Variants in ST7 observed in about 807,000 individuals in gnomAD.
ST7 encodes suppression of tumorigenicity 7, also known as suppressor of tumorigenicity 7 protein.
Under a neutral mutation model 78.7 loss-of-function variants are expected in ST7, and 28 were observed. The observed-to-expected ratio is 0.36, with a 90% CI of 0.26 to 0.49. The LOEUF is 0.49. Ranked by LOEUF, ST7 falls within the 20% of genes least tolerant of loss-of-function variation. ST7 has a pLI of 0.99. For synonymous variants in ST7, 247 were observed against 249.6 expected, an observed-to-expected ratio of 0.99 and a Z score of 0.10; for missense variants, 418 against 696.0, an observed-to-expected ratio of 0.60 and a Z score of 4.49.
At chr7:117,034,349 C>G (rs1460556464) in intron 1 of ST7, among the ~76,000 whole-genome samples, 2 of 152,140 alleles carry the variant, frequency 1.3e-5, no homozygotes, top group East Asian at 3.9e-4. Flanking sequence ...ATTGCTTATC[C>G]TTCCAATTGC....
chr7:116,989,359 C>T (rs1202976119), intron 1 of ST7, among the ~76,000 whole-genome samples: 3 of 152,174 alleles, frequency 2.0e-5, no homozygotes, highest in South Asian at 2.1e-4. Flanking sequence ...CACTAGGCTG[C>T]ATCCTGGAGA....
chr7:117,098,274 G>C (rs559930500), intron 1 of ST7, among the ~76,000 whole-genome samples: 1 of 151,696 alleles, frequency 6.6e-6, no homozygotes, highest in East Asian at 2.0e-4. Context: ...GCTTGGAAAG[G>C]CCCATGCTGT....
chr7:116,956,423 C>T (rs1241950734), intron 1 of ST7: 4 of 469,300 alleles, frequency 8.5e-6, no homozygotes, highest in South Asian at 6.2e-5. Context: ...TGTTCTTCAG[C>T]CCTGTGGTGC....
At chr7:117,027,446 G>GTAAAGTCAAGT (rs1563021796) in intron 1 of ST7, among the ~76,000 whole-genome samples, 1 of 151,386 alleles carries the variant, frequency 6.6e-6, no homozygotes, top group East Asian at 1.9e-4. Flanking sequence ...TCTCAAAAGT[G>GTAAAGTCAAGT]AAAAGTAAAG....
chr7:117,097,888 ATATATATATATATATATATATTTT>A (rs1801193288), intron 1 of ST7, among the ~76,000 whole-genome samples: 2 of 17,610 alleles, frequency 1.1e-4, no homozygotes. Context: ...CACTATATAT[ATATATATATATATATATATATTTT>A]TTTTTTTTTT....
At chr7:117,180,410 C>A (rs1808659203) in intron 10 of ST7, among the ~76,000 whole-genome samples, 1 of 152,172 alleles carries the variant, frequency 6.6e-6, no homozygotes, top group Non-Finnish European at 1.5e-5. Context: ...TTGCTAAAAT[C>A]AAACCATCTG....
intron 1 of ST7, among the ~76,000 whole-genome samples, chr7:117,070,500 G>A (rs1389885113): frequency 1.3e-5 from 2 of 152,118 alleles, no homozygotes; most frequent in African/African-American, 4.8e-5. Flanking sequence ...AAGTTCTGGA[G>A]ATTGGTTGCA....
chr7:117,105,815 A>G (rs1312330971), intron 2 of ST7, among the ~76,000 whole-genome samples: 1 of 152,250 alleles, frequency 6.6e-6, no homozygotes, highest in African/African-American at 2.4e-5. Flanking sequence ...AAATTATCAC[A>G]TGTACCCTGA....
intron 3 of ST7, among the ~76,000 whole-genome samples, chr7:117,123,897 T>C (rs2116973057): frequency 6.6e-6 from 1 of 152,274 alleles, no homozygotes; most frequent in South Asian, 2.1e-4. Context: ...TGAGATACTT[T>C]AATAGCCTCT....
At chr7:117,076,932 T>A (rs2116568148) in intron 1 of ST7, among the ~76,000 whole-genome samples, 1 of 152,316 alleles carries the variant, frequency 6.6e-6, no homozygotes, top group East Asian at 1.9e-4. Context: ...TGAGCTCTTG[T>A]CTGGCACCCA....
chr7:117,214,913 TG>T (rs1792572098), intron 13 of ST7, among the ~76,000 whole-genome samples: 1 of 5,960 alleles, frequency 1.7e-4, no homozygotes, highest in African/African-American at 4.3e-3. Flanking sequence ...AGAACATTTG[TG>T]TGTGTGTGTG....
At chr7:117,059,383 G>T (rs1477790462) in intron 1 of ST7, among the ~76,000 whole-genome samples, 1 of 152,038 alleles carries the variant, frequency 6.6e-6, no homozygotes, top group Non-Finnish European at 1.5e-5. Context: ...TTTTGAATAG[G>T]TTATTATTTA....
At chr7:117,102,949 A>G (rs1321227914) in intron 2 of ST7, among the ~76,000 whole-genome samples, 2 of 152,186 alleles carry the variant, frequency 1.3e-5, no homozygotes, top group Non-Finnish European at 2.9e-5. Context: ...CAATCTGAAA[A>G]AGAAATCAAG....
intron 9 of ST7, among the ~76,000 whole-genome samples, chr7:117,139,618 A>G (rs1023338721): frequency 7.9e-5 from 12 of 152,144 alleles, no homozygotes; most frequent in Non-Finnish European, 4.4e-5. Context: ...GGTTTTGGCC[A>G]CTCCATTAGG....
chr7:117,106,646 A>C (rs1252081215), intron 2 of ST7, among the ~76,000 whole-genome samples: 1 of 97,330 alleles, frequency 1.0e-5, no homozygotes, highest in Non-Finnish European at 1.9e-5. Flanking sequence ...TTTGAGTTGG[A>C]GTCTTGCTCT....
intron 15 of ST7, among the ~76,000 whole-genome samples, chr7:117,226,017 C>A (rs1048098330): frequency 2.0e-5 from 3 of 152,230 alleles, no homozygotes; most frequent in African/African-American, 4.8e-5. Context: ...AGGATTCTGA[C>A]CCCTCTGTCT....
chr7:116,997,721 GAC>G (rs756968554), intron 1 of ST7, among the ~76,000 whole-genome samples: 9 of 152,220 alleles, frequency 5.9e-5, no homozygotes, highest in Non-Finnish European at 1.2e-4. Context: ...CCTTGAGCTA[GAC>G]ACAGAGTGCT....
chr7:117,111,554 C>A (rs1436439604), intron 2 of ST7, among the ~76,000 whole-genome samples: 1 of 152,194 alleles, frequency 6.6e-6, no homozygotes, highest in Admixed American at 6.5e-5. Flanking sequence ...ATCCCTAATA[C>A]TTCTTAGTTC....
intron 13 of ST7, among the ~76,000 whole-genome samples, chr7:117,212,944 G>A (rs1792406758): frequency 6.6e-6 from 1 of 152,146 alleles, no homozygotes. Flanking sequence ...ATTAAATGGA[G>A]GTTCAGAGCT....
Sources: gnomAD v4.1 joint callset for allele counts (sites outside exome capture counted in the v4.1 genomes callset) on GRCh38, gnomAD v4.1.1 for gene constraint, MANE v1.5 for transcripts, NCBI Gene and HGNC (gene_info 2026-07-23, HGNC 2026-07-21) for gene names.